SYDE2: variants seen among roughly 807,000 people sequenced by gnomAD.
SYDE2 encodes synapse defective Rho GTPase homolog 2.
A neutral mutation model predicts 91.5 loss-of-function variants in SYDE2; 76 were observed. That is an observed-to-expected ratio of 0.83 (90% CI 0.69 to 1.01). SYDE2 has a LOEUF of 1.01. SYDE2 is among the 50% of genes least tolerant of loss of function. SYDE2 has a pLI of 0.00. For synonymous variants in SYDE2, 513 were observed against 506.4 expected (o/e 1.01, Z -0.18); for missense variants, 1,364 against 1,367.7 (o/e 1.00, Z 0.04).
At chr1:85,191,346 G>C (rs1008546350) in intron 1 of SYDE2, among the ~76,000 whole-genome samples, 9 of 152,252 alleles carry the variant, frequency 5.9e-5, no homozygotes, top group African/African-American at 1.9e-4. Context: ...GAAGGCCCCA[G>C]ATTAGAAGCA....
intron 6 of SYDE2, among the ~76,000 whole-genome samples, chr1:85,162,054 T>C (rs1228734855): frequency 1.3e-5 from 2 of 152,200 alleles, no homozygotes; most frequent in Admixed American, 1.3e-4. Flanking sequence ...GGACGACTTT[T>C]ACCTTCTAAT....
chr1:85,168,556 G>T (rs1179017490), intron 5 of SYDE2, among the ~76,000 whole-genome samples: 1 of 152,062 alleles, frequency 6.6e-6, no homozygotes, highest in African/African-American at 2.4e-5. Context: ...TTTGGAGAGG[G>T]GGTGAATGGA....
At chr1:85,153,764 T>C (rs1385513553), downstream of SYDE2, 1 of 152,124 alleles carries the variant, frequency 6.6e-6, no homozygotes, top group Non-Finnish European at 1.5e-5. Flanking sequence ...TCTCTTAGTT[T>C]CTGTTTCTTT....
At chr1:85,191,827 ATAAG>A (rs1483397261) in intron 1 of SYDE2, among the ~76,000 whole-genome samples, 1 of 152,136 alleles carries the variant, frequency 6.6e-6, no homozygotes, top group African/African-American at 2.4e-5. Context: ...ACATCTTAAT[ATAAG>A]TAAGACTCTA....
chr1:85,164,718 C>T lies in SYDE2; in HGVS notation c.2893G>A (p.Ala965Thr). The T allele has an allele frequency of 6.9e-7, 1 of 1,457,390 alleles. No homozygotes were observed. Among genetic ancestry groups the T allele is most frequent in the Non-Finnish European group, 9.1e-7 (1 of 1,103,692 alleles). The allele number at this position is 1,457,390 out of a possible 1,614,324, so 90.3% of individuals were successfully genotyped here. A position where few individuals can be genotyped will look rare whatever the true frequency, so the allele number is the denominator to read the frequency against. The change falls in exon 6 of 7, where the codon GCT becomes ACT. Residue 965 changes from alanine (A) to threonine (T), a missense_variant. Transcript: ENST00000341460. ...ATCTTATTCACTTCATGATAGGAAG[C>T]CACCAATTTCAAATGATCCAACAAC... ...KMLLDHLKLVASYHEVNKMTC... is the reference protein window; with the variant it reads ...KMLLDHLKLVTSYHEVNKMTC...
intron 6 of SYDE2, chr1:85,160,246 T>G: frequency 3.1e-6 from 3 of 966,000 alleles, no homozygotes; most frequent in Non-Finnish European, 3.7e-6. Context: ...GAATGCTTGT[T>G]TGCTGTTGTA....
chr1:85,190,507 G>A lies in SYDE2; in HGVS notation c.991C>T (p.Leu331Phe). ...LPKHQLSQSF[L>F]KSSKEYCTYV... ...GTACAGTACTCTTTAGATGATTTGAGGAAAGACTGTGATAGCTGATGTTTA... is the reference window on the plus strand; with the variant it reads ...GTACAGTACTCTTTAGATGATTTGAAGAAAGACTGTGATAGCTGATGTTTA... Residue 331 changes from leucine to phenylalanine, a missense_variant, in exon 2 of 7, where the codon CTC becomes TTC. By Grantham distance (22) the Leu-to-Phe change is conservative. Transcript: ENST00000341460. 1.2e-6 allele frequency: 2 copies of A among 1,613,976 alleles called. No homozygotes were observed. The highest frequency in any genetic ancestry group is 1.7e-6 in the Non-Finnish European group (2 of 1,179,880).
intron 6 of SYDE2, chr1:85,160,418 A>G: frequency 1.1e-6 from 1 of 890,666 alleles, no homozygotes; most frequent in Non-Finnish European, 1.3e-6. Context: ...TAACATTTCT[A>G]TTGCATTTTA....
intron 1 of SYDE2, among the ~76,000 whole-genome samples, chr1:85,195,571 G>GA (rs566562173): frequency 3.9e-4 from 57 of 146,030 alleles, no homozygotes; most frequent in African/African-American, 1.1e-3. Context: ...AAACCCTAAA[G>GA]AAAAAAAAAA....
At position 85,157,380 on chromosome 1, in the gene SYDE2, T is replaced by G. The variant is rs1209267416; in HGVS notation, c.*1370A>C. On this transcript the variant is annotated 3_prime_UTR_variant, in exon 7 of 7. Coordinates refer to ENST00000341460, the MANE Select transcript of SYDE2 (RefSeq NM_032184.2). ...TGTATATATACTTAGCCAAAATAAG[T>G]TAATTTTTAAAAATCAGTAACATGT... 6.6e-6 allele frequency: 1 copy of G among 152,142 alleles called. No individual in the cohort carries two copies. The highest frequency in any genetic ancestry group is 2.4e-5 in the African/African-American group (1 of 41,450). 9.4% of individuals were successfully genotyped at this position (152,142 alleles called of 1,614,324 possible).
At chr1:85,186,149 C>T (rs2100679145) in intron 2 of SYDE2, among the ~76,000 whole-genome samples, 1 of 152,214 alleles carries the variant, frequency 6.6e-6, no homozygotes, top group Non-Finnish European at 1.5e-5. Context: ...ATGAAGCCCA[C>T]TTGATCTTGG....
chr1:85,183,473 AATGT>A (rs1238396144), intron 2 of SYDE2, among the ~76,000 whole-genome samples: 3 of 152,196 alleles, frequency 2.0e-5, no homozygotes, highest in African/African-American at 7.2e-5. Flanking sequence ...ATCAAAAGCT[AATGT>A]ATGTAACACA....
chr1:85,199,220 G>T (rs1658713985), intron 1 of SYDE2, among the ~76,000 whole-genome samples: 1 of 152,078 alleles, frequency 6.6e-6, no homozygotes, highest in East Asian at 1.9e-4. Flanking sequence ...TACATTTCAG[G>T]ATTTAATGTT....
intron 6 of SYDE2, chr1:85,160,930 A>G (rs1657033007): frequency 3.0e-6 from 3 of 983,926 alleles, no homozygotes; most frequent in African/African-American, 3.5e-5. Context: ...CTTGGAAAAT[A>G]TTAAGAAACC....
Position 85,182,260 on chromosome 1 carries a change from AAG to A in SYDE2, c.2380_2381del (p.Leu794TyrfsTer23). ...PRGLIYVKVT[L>X]MEQWENSLHG... is the part of the protein sequence containing the mutation. ...GAAGAGAATTCTCCCACTGTTCCAT[AAG>A]AGTCACTTTCACATAAATAAGACCT... On this transcript the variant is annotated frameshift_variant, in exon 3 of 7. Transcript: ENST00000341460. LOFTEE classifies it high-confidence loss of function. 1.2e-6 allele frequency: 2 copies of A among 1,612,724 alleles called. No homozygotes were observed. The highest frequency in any genetic ancestry group is 4.5e-5 in the East Asian group (2 of 44,854).
intron 1 of SYDE2, among the ~76,000 whole-genome samples, chr1:85,196,310 TG>T (rs1366698993): frequency 2.0e-5 from 3 of 152,146 alleles, no homozygotes; most frequent in African/African-American, 7.2e-5. Context: ...GCATCTACAC[TG>T]GGAGCAGAAT....
chr1:85,170,735 A>C (rs1157625196), intron 4 of SYDE2, among the ~76,000 whole-genome samples: 1 of 152,224 alleles, frequency 6.6e-6, no homozygotes, highest in Non-Finnish European at 1.5e-5. Context: ...AGATCTTTTC[A>C]GGCCATAGAG....
chr1:85,160,410 A>G, intron 6 of SYDE2: 1 of 889,282 alleles, frequency 1.1e-6, no homozygotes, highest in South Asian at 5.2e-5. Context: ...TATGTTTTTA[A>G]CATTTCTATT....
At position 85,182,967 on chromosome 1, in the gene SYDE2, G is replaced by T; in HGVS notation, c.1675C>A (p.Pro559Thr). Reference sequence around the variant, plus strand: ...CGGCAGTTATATTTAGACAAAGAAGGAGTATTATCTGGACTGTTTATATAA... The same window carrying T: ...CGGCAGTTATATTTAGACAAAGAAGTAGTATTATCTGGACTGTTTATATAA... ...LNYINSPDNT[P>T]SLSKYNCREV... Residue 559 changes from proline (P) to threonine (T), a missense_variant, in exon 3 of 7, where the codon CCT (proline) becomes ACT (threonine). Physicochemically the swap from Pro to Thr is conservative, Grantham distance 38. Transcript: ENST00000341460. 3 of 1,613,794 alleles carry T rather than the reference G, an allele frequency of 1.9e-6. No homozygotes were observed. The highest frequency in any genetic ancestry group is 2.5e-6 in the Non-Finnish European group (3 of 1,179,748).
Sources: gnomAD v4.1 joint callset for allele counts (sites outside exome capture counted in the v4.1 genomes callset) on GRCh38, gnomAD v4.1.1 for gene constraint, MANE v1.5 for transcripts, NCBI Gene and HGNC (gene_info 2026-07-23, HGNC 2026-07-21) for gene names.